Variants in SHANK2 observed in about 807,000 individuals in gnomAD.
The protein encoded by SHANK2 is SH3 and multiple ankyrin repeat domains protein 2.
A neutral mutation model predicts 133.7 loss-of-function variants in SHANK2; 43 were observed. The ratio of observed to expected loss-of-function variants is 0.32; its 90% CI spans 0.25 to 0.41. SHANK2 has a LOEUF of 0.41. Ranked by LOEUF, SHANK2 falls within the 10% of genes least tolerant of loss-of-function variation. The pLI, the probability that SHANK2 is intolerant of heterozygous loss-of-function variation, is 1.00. For missense variants in SHANK2, 1,994 were observed against 2,235.8 expected (o/e 0.89, Z 2.18); for synonymous variants, 1,017 against 952.8 (o/e 1.07, Z -1.24).
In SHANK2 at chr11:71,178,607, T is replaced by A. The variant is rs535925524; in HGVS notation, c.-12-31269A>T. ...TTATGCTATGCACATTTTACAACAA[T>A]TTAAAAAGTCTTTAAAAAGAACTAT... On this transcript the variant is annotated intron_variant, in intron 2 of 25. Transcript: ENST00000601538. Among the ~76,000 whole-genome samples the A allele has an allele frequency of 2.0e-5, 3 of 152,304 alleles. No homozygotes were observed. In the East Asian group the frequency reaches 5.8e-4, roughly 29 times the overall value.
intron 14 of SHANK2, among the ~76,000 whole-genome samples, chr11:70,784,066 C>T (rs1009786703): frequency 3.9e-5 from 6 of 152,258 alleles, no homozygotes; most frequent in East Asian, 1.9e-4. Context: ...AGGGTGTCTC[C>T]GGGGCAAAGC....
chr11:71,059,043 C>T (rs1000922837), intron 9 of SHANK2, among the ~76,000 whole-genome samples: 2 of 152,162 alleles, frequency 1.3e-5, no homozygotes, highest in African/African-American at 4.8e-5. Flanking sequence ...ATGGTGAAAC[C>T]TTGTCTCTAC....
intron 1 of SHANK2, among the ~76,000 whole-genome samples, chr11:71,234,209 AAT>A (rs1226076036): frequency 2.0e-5 from 3 of 146,510 alleles, no homozygotes; most frequent in Non-Finnish European, 4.5e-5. Context: ...AAAAAAAAAA[AAT>A]ATCAGCTGGG....
rs895332220 is a variant in SHANK2, at chr11:71,079,665, C to T, written c.913-4390G>A. On this transcript the variant is annotated intron_variant, in intron 8 of 25. Coordinates refer to ENST00000601538, the MANE Select transcript of SHANK2 (RefSeq NM_012309.5). ...GTCCCAGCTACTTGGGAGGCTGAGG[C>T]GGGAGAATGGCGTGAACCCGGGAGG... Among the ~76,000 whole-genome samples the T allele has an allele frequency of 4.8e-3, 722 of 150,064 alleles. 4 individuals are homozygous for T. Among genetic ancestry groups the T allele is most frequent in the Non-Finnish European group, 8.4e-3 (564 of 67,492 alleles).
At chr11:71,249,815 G>A (rs950125653) in intron 1 of SHANK2, among the ~76,000 whole-genome samples, 2 of 152,076 alleles carry the variant, frequency 1.3e-5, no homozygotes, top group African/African-American at 2.4e-5. Context: ...GTTAATTCCC[G>A]GCCCGTTTTT....
Position 70,767,490 on chromosome 11 carries a change from T to C in SHANK2, c.1777+30953A>G, listed in dbSNP as rs1179810712. On this transcript the variant is annotated intron_variant, in intron 14 of 25. Transcript: ENST00000601538. ...TCAACAGATGAGCACATAACGAACATGGTCCATACACAAAAGGAAGCACTA... is the reference window on the plus strand; with the variant it reads ...TCAACAGATGAGCACATAACGAACACGGTCCATACACAAAAGGAAGCACTA... Among the ~76,000 whole-genome samples, 6 of 152,146 alleles carry C rather than the reference T, an allele frequency of 3.9e-5. No homozygotes were observed. In the Middle Eastern group the frequency reaches 0.01, roughly 259 times the overall value.
At chr11:70,671,317 G>A (rs1303331229) in intron 15 of SHANK2, among the ~76,000 whole-genome samples, 1 of 152,082 alleles carries the variant, frequency 6.6e-6, no homozygotes, top group African/African-American at 2.4e-5. Flanking sequence ...GGCCTTGGAA[G>A]CTGAGCACCC....
At chr11:70,895,154 A>G (rs1263789009) in intron 11 of SHANK2, among the ~76,000 whole-genome samples, 1 of 152,244 alleles carries the variant, frequency 6.6e-6, no homozygotes, top group Admixed American at 6.5e-5. Context: ...GAGGCTCTGC[A>G]CAGGTGCTTG....
chr11:70,843,993 C>T (rs1204803661), intron 11 of SHANK2, among the ~76,000 whole-genome samples: 3 of 150,462 alleles, frequency 2.0e-5, no homozygotes, highest in Non-Finnish European at 4.4e-5. Context: ...CTCCAGTGAG[C>T]CCTCAGTTTT....
intron 10 of SHANK2, chr11:70,951,142 T>C (rs1213016989): frequency 2.9e-6 from 1 of 346,088 alleles, no homozygotes; most frequent in East Asian, 7.7e-5. Context: ...TTCCCCTGGC[T>C]GCTGCACTGT....
rs1555158277 is a variant in SHANK2, at chr11:70,500,740, G to C, written c.2288-150C>G. 1 of 999,406 alleles carries C rather than the reference G, an allele frequency of 1.0e-6. No individual in the cohort carries two copies. The highest frequency in any genetic ancestry group is 1.4e-5 in the South Asian group (1 of 72,878). 61.9% of individuals were successfully genotyped at this position (999,406 alleles called of 1,614,324 possible). Reference sequence around the variant, plus strand: ...AGGGGCTGTCTGGAACGCTGCGAACGCAGGCTGCGCTATCCATGGAGTGGC... The same window carrying C: ...AGGGGCTGTCTGGAACGCTGCGAACCCAGGCTGCGCTATCCATGGAGTGGC... On this transcript the variant is annotated intron_variant, in intron 20 of 25. Transcript: ENST00000601538. The surrounding 1 kb of genome is among the most constrained non-coding windows in gnomAD (Gnocchi z 4.5).
chr11:70,690,558 G>A (rs573231456), intron 15 of SHANK2, among the ~76,000 whole-genome samples: 13 of 117,072 alleles, frequency 1.1e-4, no homozygotes, highest in South Asian at 5.8e-4. Flanking sequence ...GGGTTAAAGC[G>A]ATTCTCCTGC....
rs114088209 is a variant in SHANK2 at position 71,180,786 on chromosome 11, A to G, written c.-12-33448T>C. Among the ~76,000 whole-genome samples, 1,114 of 152,180 alleles carry G rather than the reference A, an allele frequency of 7.3e-3. 17 individuals are homozygous for G. The highest frequency in any genetic ancestry group is 0.025 in the African/African-American group (1,030 of 41,530). On this transcript the variant is annotated intron_variant, in intron 2 of 25. Transcript: ENST00000601538. ...GTGCTGAAGCTACAACCCAAGAAGG[A>G]CGGAATTTTTACCAGCCACCACTCT...
In SHANK2 at chr11:70,600,978, A is replaced by G. The variant is rs181696825; in HGVS notation, c.2061+58850T>C. Among the ~76,000 whole-genome samples, 638 of 152,314 alleles carry G rather than the reference A, an allele frequency of 4.2e-3. 17 individuals are homozygous for G. In the South Asian group the frequency reaches 0.058, roughly 14 times the overall value. On this transcript the variant is annotated intron_variant, in intron 17 of 25. Transcript: ENST00000601538. ...ATTAAATTAGAAATGACTTGTCATA[A>G]AAGAATGAAAAGACAAGCTAAAGAT...
At chr11:71,059,662 C>A (rs1950963502) in intron 9 of SHANK2, among the ~76,000 whole-genome samples, 4 of 152,312 alleles carry the variant, frequency 2.6e-5, no homozygotes, top group Admixed American at 2.0e-4. Flanking sequence ...GCCTCCACCC[C>A]ATGATGGTGA....
chr11:71,144,897 A>G (rs1245259669), intron 3 of SHANK2, among the ~76,000 whole-genome samples: 8 of 152,222 alleles, frequency 5.3e-5, no homozygotes, highest in African/African-American at 1.9e-4. Context: ...AGGTATTTCT[A>G]TCCATATGCA....
In SHANK2 at chr11:71,192,649, G is replaced by A. The variant is rs782280407; in HGVS notation, c.-13+32048C>T. On this transcript the variant is annotated intron_variant, in intron 2 of 25. Transcript: ENST00000601538. ...GCCCCACCCTGGGTGGAAAAGCCTC[G>A]CCTTTCCCAGGAAAATGACCTAATC... Among the ~76,000 whole-genome samples, 3 of 152,142 alleles carry A rather than the reference G, an allele frequency of 2.0e-5. No homozygotes were observed. The South Asian group carries it at 6.2e-4, about 32-fold the overall frequency.
chr11:70,660,584 C>G (rs1555012990), intron 16 of SHANK2, among the ~76,000 whole-genome samples: 1 of 152,112 alleles, frequency 6.6e-6, no homozygotes, highest in Non-Finnish European at 1.5e-5. Context: ...TGGGGCCCCA[C>G]ACAGCTGCCA....
In SHANK2 at chr11:70,487,073, C is replaced by T. The variant is rs782391344; in HGVS notation, c.3220G>A (p.Val1074Ile). The change falls in exon 25 of 26, where the codon GTC (valine) becomes ATC (isoleucine). Residue 1074 changes from valine to isoleucine, a missense_variant. Around this residue, in one of 5 missense-constraint regions of SHANK2, gnomAD observed 488 missense variants for 642.6 expected, o/e 0.76. Transcript: ENST00000601538. This position sits in a 1 kb window ranked among gnomAD's most constrained non-coding sequence, Gnocchi z 5.8. Reference protein sequence around the residue: ...SQLRPDESLTVSSPFAAAIAG... With the variant: ...SQLRPDESLTISSPFAAAIAG... Reference sequence around the variant, plus strand: ...ATGGCGGCGGCAAAGGGGCTGCTGACGGTCAGGCTTTCGTCAGGCCGCAGC... The same window carrying T: ...ATGGCGGCGGCAAAGGGGCTGCTGATGGTCAGGCTTTCGTCAGGCCGCAGC... The T allele has an allele frequency of 4.3e-6, 7 of 1,609,692 alleles. No homozygotes were observed. The East Asian group carries it at 1.3e-4, about 31-fold the overall frequency.
Sources: gnomAD v4.1 joint callset for allele counts (sites outside exome capture counted in the v4.1 genomes callset) on GRCh38, gnomAD v4.1.1 for gene constraint, gnomAD v4.1.1 regional missense constraint, Gnocchi (gnomAD v3.1) non-coding constraint, MANE v1.5 for transcripts, NCBI Gene and HGNC (gene_info 2026-07-23, HGNC 2026-07-21) for gene names.